Variants in ITGB5 observed in about 807,000 individuals in gnomAD.
ITGB5 encodes the protein integrin subunit beta 5.
ITGB5 carries 38 observed loss-of-function variants against 84.8 expected under a neutral mutation model. The observed-to-expected ratio is 0.45, with a 90% confidence interval of 0.35 to 0.59. The LOEUF (loss-of-function observed/expected upper bound fraction) is 0.59, where lower values mean the gene tolerates loss of function less well. Ranked by LOEUF, ITGB5 falls within the 20% of genes least tolerant of loss-of-function variation. The pLI is 0.01. For missense variants in ITGB5, 905 were observed against 1,034.5 expected (o/e 0.87, Z 1.72); for synonymous variants, 393 against 414.4 (o/e 0.95, Z 0.63).
At chr3:124,897,995 AT>A (rs1004163905) in intron 1 of ITGB5, among the ~76,000 whole-genome samples, 1 of 152,180 alleles carries the variant, frequency 6.6e-6, no homozygotes, top group African/African-American at 2.4e-5. Context: ...TCATAAAAAA[AT>A]CTCTCTTGCA....
rs778254442 is a variant in ITGB5 at position 124,821,500 on chromosome 3, C to T, written c.781-26G>A. On this transcript the variant is annotated intron_variant, in intron 5 of 14. Transcript: ENST00000296181. ...CTGAAGGACAGAAGGTGGATGGGTA[C>T]ACCAGTCTTTCTGCCCAGTCCTGCC... is the stretch of plus-strand genomic sequence containing the variant. 45 of 1,612,532 alleles carry T rather than the reference C, an allele frequency of 2.8e-5. No individual in the cohort carries two copies. In the South Asian group the frequency reaches 4.2e-4, roughly 15 times the overall value.
At chr3:124,793,565 T>C (rs1007489818) in intron 10 of ITGB5, among the ~76,000 whole-genome samples, 1 of 152,192 alleles carries the variant, frequency 6.6e-6, no homozygotes, top group Non-Finnish European at 1.5e-5. Context: ...GAGCCAGCAT[T>C]GGGTGTGTTT....
At chr3:124,885,987 T>C (rs2044705087) in intron 1 of ITGB5, among the ~76,000 whole-genome samples, 1 of 152,150 alleles carries the variant, frequency 6.6e-6, no homozygotes, top group African/African-American at 2.4e-5. Flanking sequence ...TAGAGCACTA[T>C]TATTTCCTAA....
At chr3:124,784,234 T>G (rs2064047860) in intron 10 of ITGB5, among the ~76,000 whole-genome samples, 1 of 152,146 alleles carries the variant, frequency 6.6e-6, no homozygotes, top group Non-Finnish European at 1.5e-5. Context: ...TGATGCCAGC[T>G]GGGTGCAGTG....
At chr3:124,808,110 C>T (rs751176486) in intron 9 of ITGB5, among the ~76,000 whole-genome samples, 55 of 152,152 alleles carry the variant, frequency 3.6e-4, no homozygotes, top group Admixed American at 5.9e-4. Flanking sequence ...TCCCTGTCTC[C>T]GCAAGCTCTT....
chr3:124,786,998 AATACCACGCACACCTCAAGCCTAC>A (rs1231822938), intron 10 of ITGB5, among the ~76,000 whole-genome samples: 13 of 152,212 alleles, frequency 8.5e-5, no homozygotes, highest in African/African-American at 2.4e-4. Context: ...TCAAAAGGCT[AATACCACGCACACCTCAAGCCTAC>A]ATGACTAAGA....
intron 8 of ITGB5, among the ~76,000 whole-genome samples, chr3:124,812,057 C>T (rs1012821121): frequency 6.6e-6 from 1 of 152,256 alleles, no homozygotes; most frequent in Non-Finnish European, 1.5e-5. Context: ...TTGTAAGGGT[C>T]TCTGCCCCCA....
At chr3:124,852,630 C>T (rs2065173120) in intron 3 of ITGB5, among the ~76,000 whole-genome samples, 1 of 151,956 alleles carries the variant, frequency 6.6e-6, no homozygotes, top group Admixed American at 6.6e-5. Flanking sequence ...TGGCATTTTC[C>T]TTAGGGATAT....
intron 10 of ITGB5, among the ~76,000 whole-genome samples, chr3:124,774,246 TC>T (rs755678054): frequency 6.6e-6 from 1 of 152,162 alleles, no homozygotes; most frequent in Non-Finnish European, 1.5e-5. Context: ...CCCACTCCAA[TC>T]CCCAGAGTAT....
chr3:124,855,387 C>A (rs1178753467), intron 3 of ITGB5, among the ~76,000 whole-genome samples: 1 of 152,116 alleles, frequency 6.6e-6, no homozygotes, highest in Admixed American at 6.5e-5. Flanking sequence ...GGGGGAGATA[C>A]CCTGAGGCAA....
upstream of ITGB5, among the ~76,000 whole-genome samples, chr3:124,889,152 G>A (rs755921797): frequency 1.3e-5 from 2 of 152,100 alleles, no homozygotes; most frequent in Non-Finnish European, 1.5e-5. Context: ...ATTCCTTTTG[G>A]ACAAAGGACA....
chr3:124,895,202 C>T (rs1935078007), intron 1 of ITGB5, among the ~76,000 whole-genome samples: 1 of 152,218 alleles, frequency 6.6e-6, no homozygotes, highest in Non-Finnish European at 1.5e-5. Flanking sequence ...AGCATTATTC[C>T]TCAGCCACCT....
intron 10 of ITGB5, among the ~76,000 whole-genome samples, chr3:124,780,289 G>A (rs1308298312): frequency 9.2e-5 from 14 of 152,234 alleles, no homozygotes; most frequent in Non-Finnish European, 1.2e-4. Context: ...ATGGGTGACC[G>A]CAGAGGGCTA....
At chr3:124,838,662 C>T (rs573833884) in intron 5 of ITGB5, among the ~76,000 whole-genome samples, 60 of 152,060 alleles carry the variant, frequency 3.9e-4, no homozygotes, top group African/African-American at 1.4e-3. Context: ...AGTGCAGTGG[C>T]ATGATCTCGG....
At chr3:124,804,577 A>C (rs1385130780) in intron 9 of ITGB5, among the ~76,000 whole-genome samples, 1 of 152,184 alleles carries the variant, frequency 6.6e-6, no homozygotes, top group African/African-American at 2.4e-5. Flanking sequence ...AATAAAATAA[A>C]GAACAAAATA....
At chr3:124,778,099 T>C (rs149684558) in intron 10 of ITGB5, among the ~76,000 whole-genome samples, 112 of 152,332 alleles carry the variant, frequency 7.4e-4, no homozygotes, top group African/African-American at 2.5e-3. Flanking sequence ...TAACATCTAA[T>C]GCTACCTTGG....
chr3:124,768,688 A>G (rs919574580), intron 12 of ITGB5, among the ~76,000 whole-genome samples: 1 of 152,226 alleles, frequency 6.6e-6, no homozygotes, highest in African/African-American at 2.4e-5. Context: ...TATAGCGAAT[A>G]ATGCTGCTGT....
intron 9 of ITGB5, among the ~76,000 whole-genome samples, chr3:124,800,404 T>C (rs1443283177): frequency 1.3e-5 from 2 of 152,192 alleles, no homozygotes; most frequent in African/African-American, 2.4e-5. Flanking sequence ...TGCTGATGTG[T>C]CTGGGAGAAA....
At chr3:124,855,650 T>C (rs2065213341) in intron 3 of ITGB5, among the ~76,000 whole-genome samples, 1 of 152,180 alleles carries the variant, frequency 6.6e-6, no homozygotes, top group Non-Finnish European at 1.5e-5. Context: ...ACCCTCTTCA[T>C]AGTCTGGGTG....
Sources: gnomAD v4.1 joint callset for allele counts (sites outside exome capture counted in the v4.1 genomes callset) on GRCh38, gnomAD v4.1.1 for gene constraint, MANE v1.5 for transcripts, NCBI Gene and HGNC (gene_info 2026-07-23, HGNC 2026-07-21) for gene names.